Variants in SYNPO observed in about 807,000 individuals in gnomAD.
The protein encoded by SYNPO is synaptopodin.
A neutral mutation model predicts 49.5 loss-of-function variants in SYNPO; 19 were observed. That is an observed-to-expected ratio of 0.38 (90% CI 0.27 to 0.56). The LOEUF is 0.56. Among genes scored for constraint, SYNPO ranks in the 20% least tolerant of loss-of-function variants. SYNPO has a pLI of 0.68. For missense variants in SYNPO, 1,131 were observed against 1,248.3 expected (o/e 0.91, Z 1.42); for synonymous variants, 536 against 548.0 (o/e 0.98, Z 0.31).
intron 2 of SYNPO, among the ~76,000 whole-genome samples, chr5:150,628,020 CTG>C (rs747812035): frequency 3.0e-4 from 42 of 142,202 alleles, no homozygotes; most frequent in African/African-American, 9.8e-4. Flanking sequence ...GTGTGTGTTT[CTG>C]TGTGTGTGTG....
intron 2 of SYNPO, chr5:150,652,265 A>G (rs1561660450): frequency 1.0e-6 from 1 of 1,000,160 alleles, no homozygotes; most frequent in East Asian, 1.1e-4. Flanking sequence ...TTCATTCTGC[A>G]GCTCCTGCGG....
chr5:150,603,139 G>GGTCACAGGCAAGGAGTTTGGGAAAGAGAT, intron 1 of SYNPO, among the ~76,000 whole-genome samples: 1 of 152,270 alleles, frequency 6.6e-6, no homozygotes, highest in East Asian at 1.9e-4. Context: ...GGATGCCCAA[G>GGTCACAGGCAAGGAGTTTGGGAAAGAGAT]GTCACAGGCA....
At chr5:150,629,968 A>G (rs1388337396) in intron 2 of SYNPO, among the ~76,000 whole-genome samples, 2 of 152,164 alleles carry the variant, frequency 1.3e-5, no homozygotes, top group East Asian at 3.9e-4. Flanking sequence ...CCAGGGGCTC[A>G]GAAAAAGCAA....
chr5:150,644,486 G>A lies in SYNPO; in HGVS notation c.-332-3458G>A, dbSNP rs181882011. ...TAGAAGAGTATCTGACCTTTTCCAG[G>A]GAGTGGAATGGGGTGACCAATTGCC... On this transcript the variant is annotated intron_variant, in intron 1 of 2. Transcript: ENST00000307662. 2.0e-5 allele frequency among the ~76,000 whole-genome samples: 3 copies of A among 152,292 alleles called. No homozygotes were observed. The East Asian group carries it at 5.8e-4, about 29-fold the overall frequency.
chr5:150,652,098 G>T, intron 2 of SYNPO: 2 of 987,630 alleles, frequency 2.0e-6, no homozygotes, highest in Non-Finnish European at 2.4e-6. Context: ...TGCCTTCTTA[G>T]TGAGCTCATT....
chr5:150,656,482 G>A lies in SYNPO; in HGVS notation c.2107G>A (p.Val703Met), dbSNP rs571146839. Residue 703 changes from valine (V) to methionine (M), a missense_variant, in exon 3 of 3, where the codon GTG becomes ATG. Around this residue, in one of 4 missense-constraint regions of SYNPO, gnomAD observed 509 missense variants for 484.5 expected, o/e 1.05. Transcript: ENST00000307662. ...GCCCCCCAGCAGCCTAGACGGCTGG[G>A]TGAGCCCGGGCCCGTGGGAGCCAGG... is the stretch of plus-strand genomic sequence containing the variant. ...SRPPSSLDGW[V>M]SPGPWEPGRG... is the part of the protein sequence containing the mutation. 348 of 1,532,648 alleles carry A rather than the reference G, an allele frequency of 2.3e-4. 4 individuals are homozygous for A. In the South Asian group the frequency reaches 3.9e-3, roughly 17 times the overall value. The allele number at this position is 1,532,648 out of a possible 1,614,324, so 94.9% of individuals were successfully genotyped here. A position where few individuals can be genotyped will look rare whatever the true frequency, so the allele number is the denominator to read the frequency against.
At chr5:150,594,072 C>T in the SYNPO span, among the ~76,000 whole-genome samples, 3 of 152,006 alleles carry the variant, frequency 2.0e-5, no homozygotes, top group African/African-American at 4.8e-5. Context: ...CTGACCCTGG[C>T]GCTGTCCTTC....
At chr5:150,618,438 A>C in exon 2 of SYNPO, 1 of 1,551,656 alleles carries the variant, frequency 6.4e-7, no homozygotes, top group Non-Finnish European at 8.7e-7. Flanking sequence ...TGCGCCTTCC[A>C]GATCCCTGAT....
chr5:150,647,813 T>A (rs887494703), intron 1 of SYNPO, 131 bp from the exon 2 acceptor site: 58 of 862,440 alleles, frequency 6.7e-5, no homozygotes, highest in Admixed American at 8.3e-5. Flanking sequence ...AAACAGTGAG[T>A]GACGATTAAA....
intron 2 of SYNPO, among the ~76,000 whole-genome samples, chr5:150,620,913 C>T (rs1362670907): frequency 1.6e-5 from 2 of 128,962 alleles, no homozygotes; most frequent in African/African-American, 3.4e-5. Context: ...TTCTTTCTTT[C>T]TTTCTTTCTT....
chr5:150,651,081 C>T (rs1366679136), intron 2 of SYNPO: 5 of 1,138,968 alleles, frequency 4.4e-6, no homozygotes, highest in Middle Eastern at 3.7e-4. Flanking sequence ...TTGCTGTCAC[C>T]GCTCTAGGGG....
chr5:150,595,846 C>T, the SYNPO span, among the ~76,000 whole-genome samples: 1 of 136,918 alleles, frequency 7.3e-6, no homozygotes, highest in Non-Finnish European at 1.6e-5. Context: ...AGTTCTCATG[C>T]CCCCCACCCC....
chr5:150,607,057 C>G (rs1392803350), intron 1 of SYNPO, among the ~76,000 whole-genome samples: 1 of 151,994 alleles, frequency 6.6e-6, no homozygotes, highest in East Asian at 1.9e-4. Context: ...GGGTTATTAT[C>G]TTTTGATAGA....
chr5:150,639,379 T>C (rs986638963), upstream of SYNPO, among the ~76,000 whole-genome samples: 2 of 152,250 alleles, frequency 1.3e-5, no homozygotes, highest in African/African-American at 2.4e-5. Flanking sequence ...GTTCCTGCTC[T>C]GGGGCCTCTG....
chr5:150,589,941 G>T, the SYNPO span, among the ~76,000 whole-genome samples: 1 of 152,224 alleles, frequency 6.6e-6, no homozygotes, highest in Admixed American at 6.5e-5. Context: ...AGTCATGCAA[G>T]GACCCACATC....
intron 2 of SYNPO, among the ~76,000 whole-genome samples, chr5:150,635,494 A>C (rs1581489949): frequency 1.3e-5 from 2 of 152,164 alleles, no homozygotes; most frequent in East Asian, 3.9e-4. Context: ...TTTTAGACAG[A>C]GTCTTGCTCT....
At chr5:150,594,445 G>C in the SYNPO span, among the ~76,000 whole-genome samples, 1 of 152,198 alleles carries the variant, frequency 6.6e-6, no homozygotes, top group African/African-American at 2.4e-5. Context: ...AAAGCAACCA[G>C]TCTTCCCCAC....
At chr5:150,597,478 C>T (rs918861202), upstream of SYNPO, among the ~76,000 whole-genome samples, 4 of 152,042 alleles carry the variant, frequency 2.6e-5, no homozygotes, top group East Asian at 1.9e-4. Context: ...ATTACAGGCA[C>T]GCGTCACCAC....
chr5:150,650,675 G>T (rs1345180822), intron 2 of SYNPO: 3 of 1,419,606 alleles, frequency 2.1e-6, no homozygotes, highest in Non-Finnish European at 2.8e-6. Context: ...GCGTCTTGCT[G>T]GGGGAGTGGC....
Sources: gnomAD v4.1 joint callset for allele counts (sites outside exome capture counted in the v4.1 genomes callset) on GRCh38, gnomAD v4.1.1 for gene constraint, gnomAD v4.1.1 regional missense constraint, MANE v1.5 for transcripts, NCBI Gene and HGNC (gene_info 2026-07-23, HGNC 2026-07-21) for gene names.